ERC2: variants seen among roughly 807,000 people sequenced by gnomAD.
The protein encoded by ERC2 is ERC protein 2.
ERC2 carries 42 observed loss-of-function variants against 114.8 expected under a neutral mutation model. The observed-to-expected ratio is 0.37, with a 90% CI of 0.29 to 0.47. The LOEUF is 0.47. Among genes scored for constraint, ERC2 ranks in the 20% least tolerant of loss-of-function variants. ERC2 has a pLI of 0.99. For synonymous variants in ERC2, 454 were observed against 425.5 expected, an observed-to-expected ratio of 1.07 and a Z score of -0.82; for missense variants, 939 against 1,150.7, an observed-to-expected ratio of 0.82 and a Z score of 2.66.
chr3:56,302,095 C>T (rs1354143216), intron 2 of ERC2, among the ~76,000 whole-genome samples: 2 of 152,138 alleles, frequency 1.3e-5, no homozygotes, highest in African/African-American at 2.4e-5. Flanking sequence ...TAAAGACTGC[C>T]TTATTAACCT....
At chr3:56,326,451 A>G (rs2057366055) in intron 2 of ERC2, among the ~76,000 whole-genome samples, 1 of 152,196 alleles carries the variant, frequency 6.6e-6, no homozygotes, top group Admixed American at 6.5e-5. Context: ...ATTGCAATAA[A>G]TTGGTCAGAC....
intron 14 of ERC2, among the ~76,000 whole-genome samples, chr3:55,752,599 C>T (rs1014178666): frequency 6.6e-6 from 1 of 152,166 alleles, no homozygotes; most frequent in African/African-American, 2.4e-5. Context: ...AAAGACTATA[C>T]CATTCTAAGT....
At chr3:56,412,087 G>A (rs1559466067) in intron 2 of ERC2, among the ~76,000 whole-genome samples, 1 of 152,240 alleles carries the variant, frequency 6.6e-6, no homozygotes, top group African/African-American at 2.4e-5. Context: ...TAAGTCCAGT[G>A]ATGGGTGTCC....
At chr3:55,862,140 AAC>A (rs1197835350) in intron 14 of ERC2, among the ~76,000 whole-genome samples, 1 of 152,108 alleles carries the variant, frequency 6.6e-6, no homozygotes, top group Non-Finnish European at 1.5e-5. Flanking sequence ...AACACACACA[AAC>A]ACACACACAT....
intron 3 of ERC2, among the ~76,000 whole-genome samples, chr3:56,247,168 A>G (rs1433858477): frequency 6.6e-6 from 1 of 152,244 alleles, no homozygotes; most frequent in Non-Finnish European, 1.5e-5. Flanking sequence ...CAGCTACAAC[A>G]TGACATTAAG....
intron 1 of ERC2, among the ~76,000 whole-genome samples, chr3:56,441,323 G>A (rs1228159541): frequency 1.3e-5 from 2 of 152,136 alleles, no homozygotes; most frequent in African/African-American, 4.8e-5. Context: ...TCTTTAATCA[G>A]CTGCATGAAT....
At chr3:56,171,856 T>TC (rs2082687483) in intron 4 of ERC2, among the ~76,000 whole-genome samples, 2 of 151,048 alleles carry the variant, frequency 1.3e-5, no homozygotes, top group African/African-American at 4.9e-5. Flanking sequence ...TTTTTTTTTT[T>TC]TCTTAAATGA....
At chr3:55,933,695 G>A (rs1475186179) in intron 13 of ERC2, among the ~76,000 whole-genome samples, 1 of 152,184 alleles carries the variant, frequency 6.6e-6, no homozygotes, top group Non-Finnish European at 1.5e-5. Flanking sequence ...GTGGCCACAG[G>A]AGCCGTGCCA....
chr3:55,543,015 T>C (rs2107353069), intron 17 of ERC2, among the ~76,000 whole-genome samples: 1 of 152,310 alleles, frequency 6.6e-6, no homozygotes, highest in South Asian at 2.1e-4. Flanking sequence ...AGGTCCCACA[T>C]CTGCTCAAAG....
At chr3:55,818,385 T>C (rs1460606589) in intron 14 of ERC2, among the ~76,000 whole-genome samples, 3 of 152,222 alleles carry the variant, frequency 2.0e-5, no homozygotes, top group African/African-American at 4.8e-5. Flanking sequence ...TACTAACTTT[T>C]ATACCTCGAT....
chr3:55,641,011 T>A (rs1184914890), intron 17 of ERC2, among the ~76,000 whole-genome samples: 2 of 152,168 alleles, frequency 1.3e-5, no homozygotes, highest in Non-Finnish European at 2.9e-5. Context: ...TGACAATCCA[T>A]CGGAGGGGAG....
intron 4 of ERC2, among the ~76,000 whole-genome samples, chr3:56,159,442 A>G (rs1024511462): frequency 6.6e-6 from 1 of 152,220 alleles, no homozygotes; most frequent in African/African-American, 2.4e-5. Context: ...TTACACATTA[A>G]GAATACTAAA....
intron 17 of ERC2, among the ~76,000 whole-genome samples, chr3:55,633,842 G>T (rs2059851324): frequency 6.6e-6 from 1 of 152,090 alleles, no homozygotes; most frequent in African/African-American, 2.4e-5. Context: ...TCAACACAAA[G>T]CTGACTGATG....
intron 2 of ERC2, among the ~76,000 whole-genome samples, chr3:56,322,896 G>C (rs892774336): frequency 4.6e-5 from 7 of 152,178 alleles, no homozygotes; most frequent in Non-Finnish European, 8.8e-5. Flanking sequence ...GGGACATGGG[G>C]CCTAGTGGGA....
chr3:55,787,805 G>A (rs2069636140), intron 14 of ERC2, among the ~76,000 whole-genome samples: 1 of 152,124 alleles, frequency 6.6e-6, no homozygotes, highest in Non-Finnish European at 1.5e-5. Context: ...AAATTCTCCA[G>A]AAGATATCAT....
At chr3:55,703,798 T>G (rs1160705666) in intron 15 of ERC2, among the ~76,000 whole-genome samples, 1 of 152,236 alleles carries the variant, frequency 6.6e-6, no homozygotes, top group Non-Finnish European at 1.5e-5. Context: ...AGTTTAACTT[T>G]TCCTGTTTAT....
intron 17 of ERC2, among the ~76,000 whole-genome samples, chr3:55,513,325 C>T (rs537413381): frequency 1.2e-4 from 18 of 152,354 alleles, no homozygotes; most frequent in South Asian, 2.1e-4. Context: ...CTGTACTTAA[C>T]GCTGACATTC....
At chr3:56,356,717 C>T (rs2058758426) in intron 2 of ERC2, among the ~76,000 whole-genome samples, 2 of 152,196 alleles carry the variant, frequency 1.3e-5, no homozygotes, top group African/African-American at 4.8e-5. Flanking sequence ...GAAGCTAACC[C>T]TGACCAACTC....
chr3:56,035,854 C>T (rs1378112565), intron 7 of ERC2, among the ~76,000 whole-genome samples: 1 of 152,176 alleles, frequency 6.6e-6, no homozygotes, highest in South Asian at 2.1e-4. Flanking sequence ...TACTTCCAAT[C>T]TCATTTACAA....
Sources: gnomAD v4.1 joint callset for allele counts (sites outside exome capture counted in the v4.1 genomes callset) on GRCh38, gnomAD v4.1.1 for gene constraint, MANE v1.5 for transcripts, NCBI Gene and HGNC (gene_info 2026-07-23, HGNC 2026-07-21) for gene names.